Variants in L3MBTL4 observed in about 807,000 individuals in gnomAD.
L3MBTL4 encodes L3MBTL histone methyl-lysine binding protein 4, also known as lethal(3)malignant brain tumor-like protein 4.
In L3MBTL4, 70 loss-of-function variants were observed where a neutral mutation model predicts 84.5. The ratio of observed to expected loss-of-function variants is 0.83; its 90% CI spans 0.68 to 1.01. The LOEUF (loss-of-function observed/expected upper bound fraction) is 1.01. L3MBTL4 is among the 50% of genes least tolerant of loss of function. The pLI, the probability that L3MBTL4 is intolerant of heterozygous loss-of-function variation, is 0.00. For synonymous variants in L3MBTL4, 274 were observed against 259.8 expected (o/e 1.05, Z -0.52); for missense variants, 715 against 754.8 (o/e 0.95, Z 0.62).
chr18:6,098,818 T>C (rs1042636808), intron 14 of L3MBTL4, among the ~76,000 whole-genome samples: 1 of 152,168 alleles, frequency 6.6e-6, no homozygotes, highest in African/African-American at 2.4e-5. Context: ...AGTCCTCTCT[T>C]AACTGAGAGG....
intron 16 of L3MBTL4, among the ~76,000 whole-genome samples, chr18:6,006,427 C>A (rs190133735): frequency 6.6e-6 from 1 of 152,138 alleles, no homozygotes; most frequent in East Asian, 1.9e-4. Flanking sequence ...CAGAAGTACA[C>A]AGAAATTTAA....
chr18:6,312,361 A>G (rs1183724264), intron 1 of L3MBTL4, among the ~76,000 whole-genome samples: 2 of 152,226 alleles, frequency 1.3e-5, no homozygotes, highest in Non-Finnish European at 2.9e-5. Context: ...TTCTTTATTG[A>G]TATTTCCACC....
chr18:6,134,691 G>A (rs1172640773), intron 14 of L3MBTL4, among the ~76,000 whole-genome samples: 1 of 152,242 alleles, frequency 6.6e-6, no homozygotes, highest in Non-Finnish European at 1.5e-5. Flanking sequence ...AAGCCACGCT[G>A]ATGCAACAGG....
At chr18:6,215,663 C>G (rs750078960) in intron 11 of L3MBTL4, 87 bp downstream of exon 11, 18 of 616,490 alleles carry the variant, frequency 2.9e-5, no homozygotes, top group Non-Finnish European at 4.5e-5. Context: ...AAAGAAAAAA[C>G]TAGAATAATT....
Position 6,353,755 on chromosome 18 carries a change from T to C in L3MBTL4, c.-90-41699A>G, listed in dbSNP as rs180991573. ...AGTGAAAGATCTCTATAATGAAAATTATAAAACACTGATGAAAGAAATTGA... is the reference window on the plus strand; with the variant it reads ...AGTGAAAGATCTCTATAATGAAAATCATAAAACACTGATGAAAGAAATTGA... On this transcript the variant is annotated intron_variant, in intron 1 of 18. Coordinates refer to ENST00000317931, the MANE Select transcript of L3MBTL4 (RefSeq NM_001330559.2). 2.4e-3 allele frequency among the ~76,000 whole-genome samples: 366 copies of C among 152,166 alleles called. 2 individuals are homozygous for C. Among genetic ancestry groups the C allele is most frequent in the African/African-American group, 7.9e-3 (327 of 41,520 alleles).
intron 12 of L3MBTL4, among the ~76,000 whole-genome samples, chr18:6,183,707 T>C (rs1414450836): frequency 6.6e-6 from 1 of 152,206 alleles, no homozygotes; most frequent in East Asian, 1.9e-4. Flanking sequence ...AGAGAGGATA[T>C]TGTCCAAAAG....
intron 16 of L3MBTL4, among the ~76,000 whole-genome samples, chr18:5,980,144 G>T (rs1011433416): frequency 6.6e-6 from 1 of 152,090 alleles, no homozygotes; most frequent in Non-Finnish European, 1.5e-5. Context: ...GACAGACATA[G>T]AAAAGTCAGT....
chr18:6,337,395 C>T (rs1048561113), intron 1 of L3MBTL4, among the ~76,000 whole-genome samples: 2 of 152,014 alleles, frequency 1.3e-5, no homozygotes, highest in African/African-American at 2.4e-5. Flanking sequence ...AATTATGATA[C>T]AGTCATTAAA....
chr18:6,137,698 G>C (rs2060066216), intron 14 of L3MBTL4, among the ~76,000 whole-genome samples: 1 of 152,190 alleles, frequency 6.6e-6, no homozygotes, highest in African/African-American at 2.4e-5. Context: ...TTCTTCAAAA[G>C]CAACATCTGT....
chr18:6,165,889 T>C (rs147924489), intron 13 of L3MBTL4, among the ~76,000 whole-genome samples: 3 of 152,222 alleles, frequency 2.0e-5, no homozygotes, highest in East Asian at 3.9e-4. Context: ...GACTGGCAAA[T>C]TGGATAAACA....
intron 13 of L3MBTL4, among the ~76,000 whole-genome samples, chr18:6,169,379 T>C (rs1267994358): frequency 1.3e-5 from 2 of 152,068 alleles, no homozygotes; most frequent in Non-Finnish European, 2.9e-5. Context: ...CACATGCACA[T>C]GTATGTTTAT....
chr18:6,148,877 T>A (rs1308619762), intron 13 of L3MBTL4, among the ~76,000 whole-genome samples: 1 of 152,194 alleles, frequency 6.6e-6, no homozygotes, highest in East Asian at 1.9e-4. Context: ...AAATGGCACC[T>A]AAGGGTTTTT....
intron 1 of L3MBTL4, among the ~76,000 whole-genome samples, chr18:6,326,916 G>A (rs1351251767): frequency 6.6e-6 from 1 of 152,138 alleles, no homozygotes; most frequent in Non-Finnish European, 1.5e-5. Context: ...CAATGACCCT[G>A]ATTTAACTGT....
At chr18:6,399,090 A>G (rs556183029) in intron 1 of L3MBTL4, among the ~76,000 whole-genome samples, 2 of 152,220 alleles carry the variant, frequency 1.3e-5, no homozygotes, top group Non-Finnish European at 2.9e-5. Context: ...GGCTAGAACT[A>G]AATAAGGCCA....
intron 1 of L3MBTL4, among the ~76,000 whole-genome samples, chr18:6,347,390 G>A (rs913349770): frequency 6.6e-6 from 1 of 151,748 alleles, no homozygotes; most frequent in East Asian, 1.9e-4. Flanking sequence ...AAGAGAGTAA[G>A]AGAAAATTTA....
intron 10 of L3MBTL4, among the ~76,000 whole-genome samples, chr18:6,217,688 T>A (rs78153305): frequency 0.035 from 5,341 of 152,320 alleles, 321 homozygotes; most frequent in African/African-American, 0.12. Context: ...CATATTTTGA[T>A]GTTACATCAT....
intron 14 of L3MBTL4, among the ~76,000 whole-genome samples, chr18:6,115,196 G>A (rs2059320656): frequency 6.6e-6 from 1 of 152,182 alleles, no homozygotes; most frequent in Non-Finnish European, 1.5e-5. Flanking sequence ...GCAGCCATTG[G>A]GAGGTGCTTA....
chr18:6,355,413 A>G (rs984422633), intron 1 of L3MBTL4, among the ~76,000 whole-genome samples: 3 of 151,960 alleles, frequency 2.0e-5, no homozygotes, highest in African/African-American at 4.9e-5. Context: ...ATGATAAGGC[A>G]AGCATATTTG....
chr18:6,139,495 G>GCA lies in L3MBTL4; in HGVS notation c.1097-1201_1097-1200dup, dbSNP rs142047031. On this transcript the variant is annotated intron_variant, in intron 13 of 18. Coordinates refer to ENST00000317931, the MANE Select transcript of L3MBTL4 (RefSeq NM_001330559.2). Reference sequence around the variant, plus strand: ...TATTCTCCGCCCCCTAAACACACATGCACACACACACACACATACACATGT... The same window carrying GCA: ...TATTCTCCGCCCCCTAAACACACATGCACACACACACACACACATACACATGT... 8.2e-3 allele frequency among the ~76,000 whole-genome samples: 1,228 copies of GCA among 149,840 alleles called. 14 individuals carry two copies. The highest frequency in any genetic ancestry group is 0.019 in the African/African-American group (777 of 40,906).
Sources: allele counts gnomAD v4.1 joint callset (sites outside exome capture counted in the v4.1 genomes callset), GRCh38; gene constraint gnomAD v4.1.1; transcripts MANE v1.5; gene names NCBI Gene and HGNC (gene_info 2026-07-23, HGNC 2026-07-21).